Variants in MRPS9 observed in about 807,000 individuals in gnomAD.
MRPS9 encodes small ribosomal subunit protein uS9m.
MRPS9 carries 45 observed loss-of-function variants against 59.9 expected under a neutral mutation model. The ratio of observed to expected loss-of-function variants is 0.75; its 90% CI spans 0.59 to 0.96. The LOEUF is 0.96. MRPS9 is among the 40% of genes least tolerant of loss of function. MRPS9 has a pLI of 0.00. For missense variants in MRPS9, 473 were observed against 481.1 expected, an observed-to-expected ratio of 0.98 and a Z score of 0.16; for synonymous variants, 171 against 166.8, an observed-to-expected ratio of 1.03 and a Z score of -0.19.
intron 2 of MRPS9, among the ~76,000 whole-genome samples, chr2:105,065,458 T>C (rs1679982896): frequency 6.6e-6 from 1 of 152,220 alleles, no homozygotes; most frequent in South Asian, 2.1e-4. Context: ...CTGAATATTT[T>C]TGTATAGTTA....
chr2:105,088,854 G>A (rs868702228), intron 5 of MRPS9, 130 bp from the exon 6 acceptor site: 2 of 482,986 alleles, frequency 4.1e-6, no homozygotes, highest in Admixed American at 3.7e-5. Flanking sequence ...TATTTACTCT[G>A]CAGCTTGATT....
At chr2:105,089,363 G>C (rs1000031865) in intron 6 of MRPS9, among the ~76,000 whole-genome samples, 1 of 152,076 alleles carries the variant, frequency 6.6e-6, no homozygotes, top group East Asian at 1.9e-4. Context: ...TTTAGCATTT[G>C]CATGCTTTAA....
chr2:105,094,920 C>G (rs80148717), intron 9 of MRPS9, among the ~76,000 whole-genome samples: 2 of 152,170 alleles, frequency 1.3e-5, no homozygotes, highest in Non-Finnish European at 2.9e-5. Context: ...AGATCTTATT[C>G]TTTGGTTTGA....
intron 1 of MRPS9, among the ~76,000 whole-genome samples, chr2:105,040,553 C>T (rs563896927): frequency 3.3e-5 from 5 of 152,232 alleles, no homozygotes; most frequent in African/African-American, 7.2e-5. Context: ...GAAAAAGAAG[C>T]GAGTTTTGTT....
intron 2 of MRPS9, among the ~76,000 whole-genome samples, chr2:105,067,219 C>T (rs1048843799): frequency 2.0e-5 from 3 of 152,114 alleles, no homozygotes; most frequent in South Asian, 2.1e-4. Flanking sequence ...ATATAATCTT[C>T]GTGAAAATTT....
chr2:105,058,725 C>T (rs558886893), intron 2 of MRPS9, among the ~76,000 whole-genome samples: 3 of 90,464 alleles, frequency 3.3e-5, no homozygotes, highest in Non-Finnish European at 7.6e-5. Flanking sequence ...GCCCAGGCAA[C>T]AGATCGTGCA....
intron 1 of MRPS9, among the ~76,000 whole-genome samples, chr2:105,039,021 T>C (rs1285257512): frequency 6.6e-6 from 1 of 151,996 alleles, no homozygotes; most frequent in Non-Finnish European, 1.5e-5. Flanking sequence ...AGGGAGAGTG[T>C]ACTGAGGAGT....
intron 2 of MRPS9, among the ~76,000 whole-genome samples, chr2:105,051,118 C>T (rs1055976647): frequency 6.6e-6 from 1 of 152,152 alleles, no homozygotes; most frequent in Non-Finnish European, 1.5e-5. Context: ...GAAACCATTG[C>T]TAATCCAAGG....
intron 5 of MRPS9, among the ~76,000 whole-genome samples, chr2:105,088,281 A>G (rs761416605): frequency 3.9e-5 from 6 of 152,134 alleles, no homozygotes; most frequent in African/African-American, 9.7e-5. Context: ...AAGCTGTACT[A>G]TTTTGCTTGT....
chr2:105,039,478 A>G (rs141844385), intron 1 of MRPS9, among the ~76,000 whole-genome samples: 163 of 152,290 alleles, frequency 1.1e-3, no homozygotes, highest in African/African-American at 3.8e-3. Flanking sequence ...GGGATGGCTA[A>G]CTTTCTGTCC....
chr2:105,081,467 TA>T (rs1680345656), intron 5 of MRPS9, among the ~76,000 whole-genome samples: 1 of 152,176 alleles, frequency 6.6e-6, no homozygotes, highest in Non-Finnish European at 1.5e-5. Context: ...CGGAAAAAAG[TA>T]AAGCATGCAG....
intron 1 of MRPS9, among the ~76,000 whole-genome samples, chr2:105,041,568 A>G (rs1679503467): frequency 6.6e-6 from 1 of 151,664 alleles, no homozygotes; most frequent in East Asian, 1.9e-4. Flanking sequence ...GGAGGTTATA[A>G]TATCCTGTAT....
At chr2:105,074,070 G>C (rs1680165038) in intron 4 of MRPS9, among the ~76,000 whole-genome samples, 1 of 152,104 alleles carries the variant, frequency 6.6e-6, no homozygotes, top group South Asian at 2.1e-4. Flanking sequence ...AGAACCATAT[G>C]ACTGTTGAGT....
At chr2:105,063,685 A>G (rs1034204177) in intron 2 of MRPS9, among the ~76,000 whole-genome samples, 1 of 152,254 alleles carries the variant, frequency 6.6e-6, no homozygotes, top group African/African-American at 2.4e-5. Context: ...TCACTATCAC[A>G]TCTAAGAAAA....
At chr2:105,093,729 C>T (rs1680605243) in intron 9 of MRPS9, 91 bp downstream of exon 9, 1 of 552,948 alleles carries the variant, frequency 1.8e-6, no homozygotes, top group East Asian at 3.0e-5. Flanking sequence ...TCTTCTAATT[C>T]TGTTTATCTG....
At chr2:105,050,931 T>C (rs1269357903) in intron 2 of MRPS9, among the ~76,000 whole-genome samples, 1 of 152,232 alleles carries the variant, frequency 6.6e-6, no homozygotes, top group Non-Finnish European at 1.5e-5. Context: ...GTACTTCCTT[T>C]TTATTACTGA....
At chr2:105,085,302 A>C (rs577723904) in intron 5 of MRPS9, among the ~76,000 whole-genome samples, 4 of 152,290 alleles carry the variant, frequency 2.6e-5, no homozygotes, top group African/African-American at 9.6e-5. Context: ...TGGCCAAAAA[A>C]TTGAGGAGAG....
intron 7 of MRPS9, among the ~76,000 whole-genome samples, chr2:105,090,583 C>T (rs77298403): frequency 6.6e-6 from 1 of 152,236 alleles, no homozygotes; most frequent in East Asian, 1.9e-4. Context: ...TTTTAACCAA[C>T]TTTCCAGGCG....
In MRPS9 at chr2:105,045,709, A is replaced by G. The variant is rs1307406578; in HGVS notation, c.136-3462A>G. On this transcript the variant is annotated intron_variant, in intron 1 of 10. Transcript: ENST00000258455. ...TCTGGAACTAAATAGCACATTGAAT[A>G]TACCGATGAAACATACAAAAGAAAC... Among the ~76,000 whole-genome samples, 4 of 152,158 alleles carry G rather than the reference A, an allele frequency of 2.6e-5. 1 individual carries two copies. The highest frequency in any genetic ancestry group is 5.9e-5 in the Non-Finnish European group (4 of 67,998).
Sources: allele counts gnomAD v4.1 joint callset (sites outside exome capture counted in the v4.1 genomes callset), GRCh38; gene constraint gnomAD v4.1.1; transcripts MANE v1.5; gene names NCBI Gene and HGNC (gene_info 2026-07-23, HGNC 2026-07-21).